The following DTNB variants were observed in gnomAD, a reference collection of about 807,000 sequenced individuals.
DTNB encodes the protein dystrobrevin beta.
DTNB carries 63 observed loss-of-function variants against 90.7 expected under a neutral mutation model. The ratio of observed to expected loss-of-function variants is 0.69; its 90% CI spans 0.57 to 0.86. DTNB has a LOEUF of 0.86. Among genes scored for constraint, DTNB ranks in the 40% least tolerant of loss-of-function variants. DTNB has a pLI of 0.00. For synonymous variants in DTNB, 277 were observed against 286.7 expected (o/e 0.97, Z 0.34); for missense variants, 744 against 807.1 (o/e 0.92, Z 0.95).
intron 8 of DTNB, among the ~76,000 whole-genome samples, chr2:25,563,527 C>T (rs1372830767): frequency 6.6e-6 from 1 of 152,138 alleles, no homozygotes; most frequent in African/African-American, 2.4e-5. Context: ...GGCACTAACT[C>T]AAGGTCATAA....
At chr2:25,598,805 G>C (rs1438544471) in intron 5 of DTNB, 1 of 151,988 alleles carries the variant, frequency 6.6e-6, no homozygotes, top group East Asian at 1.9e-4. Flanking sequence ...TCTCTTACCG[G>C]TGATAAGCAG....
rs1461608816 is a variant in DTNB at position 25,673,500 on chromosome 2, C to G, written c.-116G>C. 1 of 150,752 alleles carries G rather than the reference C, an allele frequency of 6.6e-6. No individual in the cohort carries two copies. Among genetic ancestry groups the G allele is most frequent in the Admixed American group, 6.6e-5 (1 of 15,132 alleles). 9.3% of individuals were successfully genotyped at this position (150,752 alleles called of 1,614,324 possible). On this transcript the variant is annotated 5_prime_UTR_variant, in exon 1 of 21. Coordinates refer to ENST00000406818, the MANE Select transcript of DTNB (RefSeq NM_021907.5). ...GAGGCAGCGGCAGCGCCTACTCAGG[C>G]CCCGGAGCCACCCCCGCGGCGAACG...
rs2039924120 is a variant in DTNB at position 25,387,749 on chromosome 2, G to T, written c.1736-371C>A. ...CCTCCCCTTCTCACCTCCAGCCCCA[G>T]CAGGACTTCCCTCTGAATCCCCACC... On this transcript the variant is annotated intron_variant, in intron 17 of 20. Coordinates refer to ENST00000406818, the MANE Select transcript of DTNB (RefSeq NM_021907.5). This position sits in a 1 kb window ranked among gnomAD's most constrained non-coding sequence, Gnocchi z 4.5. Among the ~76,000 whole-genome samples the T allele has an allele frequency of 1.3e-5, 2 of 152,168 alleles. No homozygotes were observed. Among genetic ancestry groups the T allele is most frequent in the African/African-American group, 2.4e-5 (1 of 41,436 alleles).
At chr2:25,419,402 T>C in intron 16 of DTNB, 113 bp downstream of exon 16, 1 of 1,514,422 alleles carries the variant, frequency 6.6e-7, no homozygotes. Context: ...GTTTTACACA[T>C]AAAACCCTCT....
chr2:25,588,176 A>G (rs2062815405), intron 6 of DTNB, among the ~76,000 whole-genome samples: 1 of 151,896 alleles, frequency 6.6e-6, no homozygotes, highest in Non-Finnish European at 1.5e-5. Flanking sequence ...AAGGCTCTAT[A>G]AAGCCTCCTT....
At chr2:25,393,075 T>C (rs939673138) in intron 16 of DTNB, among the ~76,000 whole-genome samples, 1 of 152,186 alleles carries the variant, frequency 6.6e-6, no homozygotes, top group Non-Finnish European at 1.5e-5. Flanking sequence ...ACAGGGATGG[T>C]TTAACATACG....
At chr2:25,650,064 G>A in intron 2 of DTNB, 7 of 985,408 alleles carry the variant, frequency 7.1e-6, no homozygotes, top group Non-Finnish European at 8.4e-6. Context: ...GTCAGAGGAT[G>A]ATAATTCATA....
chr2:25,611,613 AG>A (rs1367359821), intron 4 of DTNB, among the ~76,000 whole-genome samples: 1 of 152,142 alleles, frequency 6.6e-6, no homozygotes, highest in African/African-American at 2.4e-5. Context: ...AATAATCTAG[AG>A]GGAAAAGCAC....
intron 9 of DTNB, among the ~76,000 whole-genome samples, chr2:25,516,632 G>A (rs2150747195): frequency 6.6e-6 from 1 of 151,046 alleles, no homozygotes; most frequent in South Asian, 2.2e-4. Flanking sequence ...GCTCACGCCT[G>A]TAATCCCAGC....
intron 2 of DTNB, among the ~76,000 whole-genome samples, chr2:25,643,564 T>C (rs909647143): frequency 1.3e-5 from 2 of 152,186 alleles, no homozygotes; most frequent in African/African-American, 2.4e-5. Context: ...AAACTGTAGA[T>C]AGAATTTTGG....
chr2:25,525,074 T>C (rs2076836734), intron 9 of DTNB, among the ~76,000 whole-genome samples: 2 of 152,198 alleles, frequency 1.3e-5, no homozygotes, highest in South Asian at 4.1e-4. Flanking sequence ...TTCAATGGAA[T>C]ACCATTGGAG....
Position 25,520,505 on chromosome 2 carries a change from G to A in DTNB, c.1001+10968C>T, listed in dbSNP as rs572987033. Among the ~76,000 whole-genome samples, 9 of 152,314 alleles carry A rather than the reference G, an allele frequency of 5.9e-5. No homozygotes were observed. In the South Asian group the frequency reaches 1.7e-3, roughly 28 times the overall value. On this transcript the variant is annotated intron_variant, in intron 9 of 20. Transcript: ENST00000406818. ...TTTAAAAGAAGTGTCACAAAAATGTGCTTTAATAATTAAACAACATAAACA... is the reference window on the plus strand; with the variant it reads ...TTTAAAAGAAGTGTCACAAAAATGTACTTTAATAATTAAACAACATAAACA...
intron 9 of DTNB, among the ~76,000 whole-genome samples, chr2:25,500,370 G>C (rs1421067943): frequency 2.0e-5 from 3 of 152,210 alleles, no homozygotes; most frequent in African/African-American, 7.2e-5. Flanking sequence ...TCTGTGAGTG[G>C]GAGGAGTAAT....
intron 10 of DTNB, among the ~76,000 whole-genome samples, chr2:25,461,125 T>A (rs183763612): frequency 1.6e-3 from 249 of 152,252 alleles, no homozygotes; most frequent in Admixed American, 2.7e-3. Context: ...GCTGGTCTTG[T>A]ACTCCCGACC....
At chr2:25,453,962 A>C (rs187653371) in intron 11 of DTNB, among the ~76,000 whole-genome samples, 179 of 152,304 alleles carry the variant, frequency 1.2e-3, no homozygotes, top group African/African-American at 4.1e-3. Context: ...CCTGGCTAAC[A>C]CAGTGAGACC....
chr2:25,606,193 A>AG (rs1024183152), intron 5 of DTNB, among the ~76,000 whole-genome samples: 33 of 150,154 alleles, frequency 2.2e-4, no homozygotes, highest in African/African-American at 8.0e-4. Context: ...TTTCAATTTA[A>AG]AAAAAAAAAG....
At chr2:25,442,308 G>A (rs1305032153) in intron 12 of DTNB, among the ~76,000 whole-genome samples, 1 of 152,204 alleles carries the variant, frequency 6.6e-6, no homozygotes. Flanking sequence ...TAACATGGCA[G>A]GTGACTCTGG....
At chr2:25,604,724 G>A (rs1573282354) in intron 5 of DTNB, among the ~76,000 whole-genome samples, 2 of 152,214 alleles carry the variant, frequency 1.3e-5, no homozygotes, top group East Asian at 3.9e-4. Flanking sequence ...CGAGTAGCTG[G>A]GATTATAGGC....
At chr2:25,475,646 C>T (rs2063596953) in intron 10 of DTNB, among the ~76,000 whole-genome samples, 1 of 152,210 alleles carries the variant, frequency 6.6e-6, no homozygotes, top group Non-Finnish European at 1.5e-5. Context: ...CCATCTAGGG[C>T]TTTCATAGCT....
Sources: gnomAD v4.1 joint callset for allele counts (sites outside exome capture counted in the v4.1 genomes callset) on GRCh38, gnomAD v4.1.1 for gene constraint, Gnocchi (gnomAD v3.1) non-coding constraint, MANE v1.5 for transcripts, NCBI Gene and HGNC (gene_info 2026-07-23, HGNC 2026-07-21) for gene names.